The following NOL10 variants were observed in gnomAD, a reference collection of about 807,000 sequenced individuals.
The protein encoded by NOL10 is H_NH0074G24.1.
Under a neutral mutation model 103.5 loss-of-function variants are expected in NOL10, and 58 were observed. That is an observed-to-expected ratio of 0.56 (90% confidence interval 0.45 to 0.70). The LOEUF (loss-of-function observed/expected upper bound fraction) is 0.70. Ranked by LOEUF, NOL10 falls within the 30% of genes least tolerant of loss-of-function variation. The pLI is 0.00. For missense variants in NOL10, 763 were observed against 807.3 expected, an observed-to-expected ratio of 0.95 and a Z score of 0.67; for synonymous variants, 287 against 282.5, an observed-to-expected ratio of 1.02 and a Z score of -0.16.
chr2:10,583,745 G>T (rs1012565892), intron 19 of NOL10, among the ~76,000 whole-genome samples: 3 of 152,170 alleles, frequency 2.0e-5, no homozygotes, highest in Non-Finnish European at 2.9e-5. Context: ...CCATCGTTCA[G>T]GCCTGTGGCC....
At position 10,600,843 on chromosome 2, in the gene NOL10, T is replaced by G. The variant is rs1330153737; in HGVS notation, c.1422+10A>C. 1 of 1,520,650 alleles carries G rather than the reference T, an allele frequency of 6.6e-7. No individual in the cohort carries two copies. The highest frequency in any genetic ancestry group is 8.9e-7 in the Non-Finnish European group (1 of 1,121,642). The allele number at this position is 1,520,650 out of a possible 1,614,324, so 94.2% of individuals were successfully genotyped here. ...CGCAGAAACAATTTGCCGATACTTT[T>G]TCACCTTACCTTAACTTTCTTTTTC... is the stretch of plus-strand genomic sequence containing the variant. On this transcript the variant is annotated intron_variant, in intron 17 of 20. Coordinates refer to ENST00000381685, the MANE Select transcript of NOL10 (RefSeq NM_024894.4).
At position 10,587,078 on chromosome 2, in the gene NOL10, C is replaced by T. The variant is rs868019323; in HGVS notation, c.1844+1965G>A. Among the ~76,000 whole-genome samples the T allele has an allele frequency of 8.6e-4, 24 of 27,888 alleles. 1 individual carries two copies. Among genetic ancestry groups the T allele is most frequent in the African/African-American group, 1.7e-3 (14 of 8,004 alleles). The allele number at this position is 27,888 out of a possible 152,430, so 18.3% of individuals were successfully genotyped here. On this transcript the variant is annotated intron_variant, in intron 19 of 20. Coordinates refer to ENST00000381685, the MANE Select transcript of NOL10 (RefSeq NM_024894.4). ...ATACATATATATATACATATATATA[C>T]ATATATATACATATATATACACATA...
At chr2:10,686,448 C>A (rs1211588057) in intron 1 of NOL10, among the ~76,000 whole-genome samples, 1 of 152,124 alleles carries the variant, frequency 6.6e-6, no homozygotes, top group Non-Finnish European at 1.5e-5. Context: ...GGCACAACAT[C>A]AAGTAGGACC....
chr2:10,688,541 T>C (rs1224634637), intron 1 of NOL10, among the ~76,000 whole-genome samples: 1 of 152,256 alleles, frequency 6.6e-6, no homozygotes, highest in African/African-American at 2.4e-5. Flanking sequence ...TCTGCTCATA[T>C]GTCACCTCTT....
intron 13 of NOL10, among the ~76,000 whole-genome samples, chr2:10,631,621 T>C (rs1301526598): frequency 6.6e-6 from 1 of 152,200 alleles, no homozygotes; most frequent in Non-Finnish European, 1.5e-5. Context: ...CATTCTCAGA[T>C]GTGGCTGACA....
chr2:10,596,750 G>A (rs1291982236), intron 17 of NOL10, among the ~76,000 whole-genome samples: 1 of 152,120 alleles, frequency 6.6e-6, no homozygotes, highest in African/African-American at 2.4e-5. Context: ...CTGAGCTGCT[G>A]CAGAATGAAA....
At chr2:10,592,312 T>A (rs748159003) in intron 17 of NOL10, among the ~76,000 whole-genome samples, 4 of 152,170 alleles carry the variant, frequency 2.6e-5, no homozygotes, top group African/African-American at 9.7e-5. Context: ...ACCAGAAAGC[T>A]GGCGACACTG....
chr2:10,606,253 T>C (rs1676251442), intron 14 of NOL10, among the ~76,000 whole-genome samples: 1 of 151,356 alleles, frequency 6.6e-6, no homozygotes, highest in Non-Finnish European at 1.5e-5. Context: ...CTCAGTTTCC[T>C]TATCTAATGG....
chr2:10,584,006 G>A (rs1038304748), intron 19 of NOL10, among the ~76,000 whole-genome samples: 4 of 152,176 alleles, frequency 2.6e-5, no homozygotes, highest in Non-Finnish European at 2.9e-5. Flanking sequence ...GCTTTCCAGT[G>A]CTTGCTCGGC....
At chr2:10,594,206 GTTA>G (rs1468898104) in intron 17 of NOL10, among the ~76,000 whole-genome samples, 1 of 152,124 alleles carries the variant, frequency 6.6e-6, no homozygotes, top group Non-Finnish European at 1.5e-5. Flanking sequence ...GGCTTACACT[GTTA>G]TTTTAGAGAA....
intron 12 of NOL10, among the ~76,000 whole-genome samples, chr2:10,651,709 G>C (rs990118167): frequency 6.6e-6 from 1 of 151,830 alleles, no homozygotes; most frequent in Non-Finnish European, 1.5e-5. Flanking sequence ...CGTCACCCTT[G>C]CCCCAACCTC....
At chr2:10,682,637 C>T (rs528253645) in intron 2 of NOL10, among the ~76,000 whole-genome samples, 36 of 151,828 alleles carry the variant, frequency 2.4e-4, no homozygotes, top group Non-Finnish European at 4.9e-4. Context: ...TAGGGCCAAG[C>T]AATCCTCACA....
intron 17 of NOL10, among the ~76,000 whole-genome samples, chr2:10,591,324 C>T (rs1235622075): frequency 6.6e-6 from 1 of 152,078 alleles, no homozygotes; most frequent in Non-Finnish European, 1.5e-5. Flanking sequence ...GAAAGTGCCA[C>T]AGGAGAGGAC....
chr2:10,650,402 T>C (rs995848175), intron 12 of NOL10, among the ~76,000 whole-genome samples: 14 of 151,908 alleles, frequency 9.2e-5, no homozygotes, highest in African/African-American at 3.2e-4. Flanking sequence ...TGGCCTCAAG[T>C]GATCCTCCTG....
chr2:10,607,193 T>C lies in NOL10; in HGVS notation c.1145A>G (p.Glu382Gly). Reference protein sequence around the residue: ...DYKFVTKKDLENLGLTHLIGS... With the variant: ...DYKFVTKKDLGNLGLTHLIGS... ...CACAATTTTTTTTTTACCTAAATTT[T>C]CAAGGTCTTTCTTGGTGACAAATTT... The change falls in exon 14 of 21, where the codon GAA (glutamate) becomes GGA (glycine). Residue 382 changes from glutamate to glycine, a missense_variant. By Grantham distance (98) the Glu-to-Gly change is moderately conservative. Coordinates refer to ENST00000381685, the MANE Select transcript of NOL10 (RefSeq NM_024894.4). 1 of 1,558,678 alleles carries C rather than the reference T, an allele frequency of 6.4e-7. No homozygotes were observed. The highest frequency in any genetic ancestry group is 8.7e-7 in the Non-Finnish European group (1 of 1,152,406).
intron 11 of NOL10, 111 bp downstream of exon 11, chr2:10,657,631 T>C (rs1235051571): frequency 1.1e-6 from 1 of 883,370 alleles, no homozygotes; most frequent in Non-Finnish European, 1.7e-6. Flanking sequence ...CCCAAATGTA[T>C]ATTCAGTATC....
Position 10,661,953 on chromosome 2 carries a change from C to G in NOL10, c.677+1006G>C, listed in dbSNP as rs1680236338. On this transcript the variant is annotated intron_variant, in intron 9 of 20. Coordinates refer to ENST00000381685, the MANE Select transcript of NOL10 (RefSeq NM_024894.4). ...TTTTTACATTCTGGAATACACCCAG[C>G]CTTCTTCCTATGACTATGCTTGTGT... Among the ~76,000 whole-genome samples, 6 of 151,856 alleles carry G rather than the reference C, an allele frequency of 4.0e-5. No individual in the cohort carries two copies. The South Asian group carries it at 1.0e-3, about 26-fold the overall frequency.
intron 12 of NOL10, among the ~76,000 whole-genome samples, chr2:10,649,910 A>C (rs1679346331): frequency 6.6e-6 from 1 of 152,174 alleles, no homozygotes; most frequent in Non-Finnish European, 1.5e-5. Context: ...ATGTCATAAA[A>C]TATTACTCTT....
At chr2:10,638,335 A>G (rs9710879) in intron 13 of NOL10, among the ~76,000 whole-genome samples, 24,238 of 116,108 alleles carry the variant, frequency 0.21, 2,849 homozygotes, top group Middle Eastern at 0.29. Flanking sequence ...GACGTGACGT[A>G]ACGTAACGTA....
Sources: gnomAD v4.1 joint callset for allele counts (sites outside exome capture counted in the v4.1 genomes callset) on GRCh38, gnomAD v4.1.1 for gene constraint, MANE v1.5 for transcripts, NCBI Gene and HGNC (gene_info 2026-07-23, HGNC 2026-07-21) for gene names.